CLDN18: variants seen among roughly 807,000 people sequenced by gnomAD.
CLDN18 encodes the protein claudin 18, also known as claudin-18.
Under a neutral mutation model 25.0 loss-of-function variants are expected in CLDN18, and 20 were observed. The observed-to-expected ratio is 0.80, with a 90% CI of 0.56 to 1.16. The LOEUF is 1.16. CLDN18 is among the 50% of genes most tolerant of loss of function. The probability of loss-of-function intolerance (pLI) is 0.00; values close to 1 mark genes in which losing one functional copy is unlikely to be tolerated. For missense variants in CLDN18, 297 were observed against 345.4 expected, an observed-to-expected ratio of 0.86 and a Z score of 1.11; for synonymous variants, 125 against 135.6, an observed-to-expected ratio of 0.92 and a Z score of 0.54.
chr3:138,018,006 C>G (rs999822716), intron 1 of CLDN18, among the ~76,000 whole-genome samples: 44 of 152,260 alleles, frequency 2.9e-4, no homozygotes, highest in African/African-American at 1.0e-3. Flanking sequence ...AGGCAGCTAC[C>G]ACAAAGCATC....
rs1942415617 is a variant in CLDN18 at position 138,033,037 on chromosome 3, G to A, written c.*1896G>A. The A allele has an allele frequency of 6.6e-6, 1 of 152,156 alleles. No individual in the cohort carries two copies. The highest frequency in any genetic ancestry group is 2.4e-5 in the African/African-American group (1 of 41,420). The allele number at this position is 152,156 out of a possible 1,614,324, so 9.4% of individuals were successfully genotyped here. On this transcript the variant is annotated 3_prime_UTR_variant, in exon 5 of 5. Coordinates refer to ENST00000183605, the MANE Select transcript of CLDN18 (RefSeq NM_016369.4). ...TTGGCCATTAGGTTATTATTTGAGA[G>A]GAAAGTCCTCACATCAATAGTACAT...
chr3:138,017,009 T>C (rs1489688859), intron 1 of CLDN18, among the ~76,000 whole-genome samples: 2 of 151,170 alleles, frequency 1.3e-5, no homozygotes, highest in Non-Finnish European at 2.9e-5. Context: ...TGAGCTGAGA[T>C]CGCGCCACTG....
intron 1 of CLDN18, among the ~76,000 whole-genome samples, chr3:138,015,308 C>T (rs937124206): frequency 5.3e-5 from 8 of 152,224 alleles, no homozygotes; most frequent in African/African-American, 7.2e-5. Context: ...GGAGTAACAA[C>T]GAGCCAGGAC....
Position 138,033,465 on chromosome 3 carries a change from G to A in CLDN18, c.*2324G>A, listed in dbSNP as rs762064299. ...AGTCCCTGGTCAGGTCTCAGGTAGT[G>A]CGGTGTGGCTCAGCTGGGTTTTTAA... On this transcript the variant is annotated 3_prime_UTR_variant, in exon 5 of 5. Transcript: ENST00000183605. 6 of 152,222 alleles carry A rather than the reference G, an allele frequency of 3.9e-5. No homozygotes were observed. The highest frequency in any genetic ancestry group is 8.8e-5 in the Non-Finnish European group (6 of 68,054). The allele number at this position is 152,222 out of a possible 1,614,324, so 9.4% of individuals were successfully genotyped here. A position where few individuals can be genotyped will look rare whatever the true frequency, so the allele number is the denominator to read the frequency against.
At chr3:138,028,627 T>C (rs779079162) in intron 3 of CLDN18, among the ~76,000 whole-genome samples, 1 of 152,364 alleles carries the variant, frequency 6.6e-6, no homozygotes, top group East Asian at 1.9e-4. Context: ...GAAATCAAGT[T>C]ATCAGCTGGC....
intron 1 of CLDN18, among the ~76,000 whole-genome samples, chr3:138,018,552 G>T (rs1298336366): frequency 6.6e-6 from 1 of 151,982 alleles, no homozygotes; most frequent in African/African-American, 2.4e-5. Flanking sequence ...TAGCCGGGAT[G>T]GTCTCGATCT....
intron 2 of CLDN18, among the ~76,000 whole-genome samples, chr3:138,024,356 G>A (rs1005907216): frequency 6.6e-6 from 1 of 152,118 alleles, no homozygotes; most frequent in African/African-American, 2.4e-5. Context: ...GGAATATTGA[G>A]CCTTGGTCCC....
chr3:137,999,337 A>T (rs918894539), intron 1 of CLDN18, among the ~76,000 whole-genome samples: 1 of 152,006 alleles, frequency 6.6e-6, no homozygotes, highest in East Asian at 1.9e-4. Context: ...AGAGGAACTT[A>T]TTTTTTCAAT....
At chr3:137,999,087 A>G (rs746386081) in exon 1 of CLDN18, 2 of 1,613,900 alleles carry the variant, frequency 1.2e-6, no homozygotes, top group Non-Finnish European at 1.7e-6. Flanking sequence ...TGGGGCTGCC[A>G]GGTAAGGGCC....
intron 1 of CLDN18, among the ~76,000 whole-genome samples, chr3:138,015,344 C>T (rs916914869): frequency 6.6e-6 from 1 of 152,104 alleles, no homozygotes; most frequent in African/African-American, 2.4e-5. Context: ...TCATCAGAAA[C>T]AGCTGTGTAA....
At chr3:138,001,012 T>C (rs1942010279) in intron 1 of CLDN18, among the ~76,000 whole-genome samples, 1 of 152,274 alleles carries the variant, frequency 6.6e-6, no homozygotes, top group African/African-American at 2.4e-5. Context: ...TGACAAATCA[T>C]GCACTAGCAC....
intron 3 of CLDN18, among the ~76,000 whole-genome samples, chr3:138,025,479 A>C (rs970864434): frequency 6.6e-6 from 1 of 152,224 alleles, no homozygotes; most frequent in East Asian, 1.9e-4. Context: ...ATTAGACCTC[A>C]GTGACCTGTC....
At chr3:138,021,227 C>A (rs2107885397) in intron 1 of CLDN18, among the ~76,000 whole-genome samples, 1 of 152,038 alleles carries the variant, frequency 6.6e-6, no homozygotes, top group South Asian at 2.1e-4. Flanking sequence ...GCCCTATAGG[C>A]AGATTCCCTC....
chr3:138,000,818 G>C (rs193245948), intron 1 of CLDN18, among the ~76,000 whole-genome samples: 1 of 152,278 alleles, frequency 6.6e-6, no homozygotes, highest in East Asian at 1.9e-4. Context: ...CTAACCATTT[G>C]CCACTGAGAT....
intron 1 of CLDN18, among the ~76,000 whole-genome samples, chr3:138,011,628 G>A (rs1051294145): frequency 6.6e-6 from 1 of 152,120 alleles, no homozygotes; most frequent in African/African-American, 2.4e-5. Context: ...TGCAGGAAAT[G>A]CCACACAGAG....
intron 1 of CLDN18, among the ~76,000 whole-genome samples, chr3:138,004,339 G>A (rs762562375): frequency 8.5e-5 from 13 of 152,226 alleles, no homozygotes; most frequent in Middle Eastern, 3.4e-3. Flanking sequence ...CCATACAGGC[G>A]TTCTTCAGAG....
chr3:138,016,717 T>TC (rs1942208658), intron 1 of CLDN18, among the ~76,000 whole-genome samples: 1 of 152,166 alleles, frequency 6.6e-6, no homozygotes, highest in South Asian at 2.1e-4. Context: ...TATCTGGACC[T>TC]CACTTTCCCC....
chr3:138,015,213 A>T (rs1257650144), intron 1 of CLDN18, among the ~76,000 whole-genome samples: 1 of 152,220 alleles, frequency 6.6e-6, no homozygotes, highest in Non-Finnish European at 1.5e-5. Context: ...AAAAGGCTTG[A>T]AAGAAACTCA....
chr3:138,003,226 C>T (rs1015384367), intron 1 of CLDN18, among the ~76,000 whole-genome samples: 6 of 152,312 alleles, frequency 3.9e-5, no homozygotes, highest in Admixed American at 2.6e-4. Flanking sequence ...AAAGTGGCTC[C>T]TTCCATTGCC....
Sources: gnomAD v4.1 joint callset for allele counts (sites outside exome capture counted in the v4.1 genomes callset) on GRCh38, gnomAD v4.1.1 for gene constraint, MANE v1.5 for transcripts, NCBI Gene and HGNC (gene_info 2026-07-23, HGNC 2026-07-21) for gene names.